SLC9A4: variants seen among roughly 807,000 people sequenced by gnomAD.
The protein encoded by SLC9A4 is solute carrier family 9 member A4.
Under a neutral mutation model 67.4 loss-of-function variants are expected in SLC9A4, and 63 were observed. That is an observed-to-expected ratio of 0.93 (90% CI 0.76 to 1.15). SLC9A4 has a LOEUF of 1.15. SLC9A4 is among the 50% of genes most tolerant of loss of function. The probability of loss-of-function intolerance (pLI) is 0.00; values close to 1 mark genes in which losing one functional copy is unlikely to be tolerated. For missense variants in SLC9A4, 1,089 were observed against 987.7 expected, an observed-to-expected ratio of 1.10 and a Z score of -1.38; for synonymous variants, 393 against 367.2, an observed-to-expected ratio of 1.07 and a Z score of -0.80.
At chr2:102,476,482 A>G (rs1684335043) in intron 1 of SLC9A4, among the ~76,000 whole-genome samples, 1 of 152,234 alleles carries the variant, frequency 6.6e-6, no homozygotes, top group South Asian at 2.1e-4. Context: ...TCTTCCTGCT[A>G]CAACTGTGTA....
Position 102,512,221 on chromosome 2 carries a change from G to T in SLC9A4, c.1507G>T (p.Ala503Ser), listed in dbSNP as rs1307724674. 3 of 1,614,042 alleles carry T rather than the reference G, an allele frequency of 1.9e-6. No individual in the cohort carries two copies. The South Asian group carries it at 3.3e-5, about 18-fold the overall frequency. The change falls in exon 7 of 12, where the codon GCT becomes TCT. Residue 503 changes from alanine (A) to serine (S), a missense_variant. Coordinates refer to ENST00000295269, the MANE Select transcript of SLC9A4 (RefSeq NM_001011552.4). Reference sequence around the variant, plus strand: ...TTGGCAGCTGATGGATCACTTAAAGGCTGGAATCGAAGATGTGTGTGGGCA... The same window carrying T: ...TTGGCAGCTGATGGATCACTTAAAGTCTGGAATCGAAGATGTGTGTGGGCA... Reference protein sequence around the residue: ...LHIRLMDHLKAGIEDVCGHWS... With the variant: ...LHIRLMDHLKSGIEDVCGHWS...
intron 2 of SLC9A4, among the ~76,000 whole-genome samples, chr2:102,481,766 AT>A (rs1684469092): frequency 6.6e-6 from 1 of 152,106 alleles, no homozygotes; most frequent in African/African-American, 2.4e-5. Flanking sequence ...AAACCTGCTA[AT>A]GACTCTTTTT....
At chr2:102,508,016 A>G in intron 4 of SLC9A4, 63 bp from the exon 5 acceptor site, 1 of 1,530,500 alleles carries the variant, frequency 6.5e-7, no homozygotes, top group Admixed American at 1.7e-5. Flanking sequence ...ACCTCAGTTC[A>G]CTAGCTCTGT....
chr2:102,486,308 CA>C (rs1369107854), intron 2 of SLC9A4, among the ~76,000 whole-genome samples: 1 of 152,102 alleles, frequency 6.6e-6, no homozygotes, highest in Admixed American at 6.5e-5. Flanking sequence ...GTAATGCATT[CA>C]AAATAGCACG....
Position 102,491,159 on chromosome 2 carries a change from A to G in SLC9A4, c.720+11857A>G, listed in dbSNP as rs111921691. The stretch of plus-strand genomic sequence containing the variant: ...TCAAAGAGACTAGAAGTGCAATCCT[A>G]CAAGATTCCTAGAAGGGAAAGAAAT... On this transcript the variant is annotated intron_variant, in intron 2 of 11. Transcript: ENST00000295269. Among the ~76,000 whole-genome samples the G allele has an allele frequency of 1.8e-4, 27 of 152,322 alleles. No homozygotes were observed. The Middle Eastern group carries it at 0.01, about 58-fold the overall frequency.
Position 102,478,956 on chromosome 2 carries a change from TG to T in SLC9A4, c.376del (p.Asp126ThrfsTer42). ...ACCGACCACAAATCGCCTCCGGTCA[TG>T]GACTCCAGCATCTACTTCCTGTATC... ...FGTDHKSPPVMDSSIYFLYLL... is the reference protein window; with the variant it reads ...FGTDHKSPPVXDSSIYFLYLL... On this transcript the variant is annotated frameshift_variant, in exon 2 of 12. Coordinates refer to ENST00000295269, the MANE Select transcript of SLC9A4 (RefSeq NM_001011552.4). LOFTEE classifies it high-confidence loss of function. The T allele has an allele frequency of 6.2e-7, 1 of 1,614,052 alleles. No homozygotes were observed. The highest frequency in any genetic ancestry group is 8.5e-7 in the Non-Finnish European group (1 of 1,179,982).
chr2:102,484,336 A>T (rs1295870884), intron 2 of SLC9A4, among the ~76,000 whole-genome samples: 2 of 152,076 alleles, frequency 1.3e-5, no homozygotes, highest in Non-Finnish European at 2.9e-5. Context: ...CATGCTACCG[A>T]TGAGGAGACT....
chr2:102,530,053 C>T (rs1024838094), intron 11 of SLC9A4, among the ~76,000 whole-genome samples: 4 of 152,114 alleles, frequency 2.6e-5, no homozygotes, highest in African/African-American at 9.7e-5. Flanking sequence ...GAACTGTACA[C>T]TTATTTATAG....
intron 2 of SLC9A4, among the ~76,000 whole-genome samples, chr2:102,483,275 A>G (rs1360984435): frequency 2.0e-5 from 3 of 152,178 alleles, no homozygotes; most frequent in African/African-American, 7.2e-5. Flanking sequence ...TGGGTCCCTA[A>G]GTGAAACCAG....
At position 102,528,665 on chromosome 2, in the gene SLC9A4, A is replaced by G. The variant is rs370807715; in HGVS notation, c.2038+2319A>G. 2.5e-3 allele frequency among the ~76,000 whole-genome samples: 384 copies of G among 152,368 alleles called. 7 individuals are homozygous for G. In the South Asian group the frequency reaches 0.03, roughly 12 times the overall value. On this transcript the variant is annotated intron_variant, in intron 11 of 11. Transcript: ENST00000295269. ...TTTGAACAAATCTTAAATAAGCATT[A>G]TAAACAAAATACAGCAAAACACTAA... is the stretch of plus-strand genomic sequence containing the variant.
chr2:102,525,864 G>A (rs1325043863), intron 10 of SLC9A4, among the ~76,000 whole-genome samples: 1 of 152,080 alleles, frequency 6.6e-6, no homozygotes, highest in East Asian at 1.9e-4. Context: ...CCACAGAACA[G>A]GTCTGTGTTC....
intron 1 of SLC9A4, among the ~76,000 whole-genome samples, chr2:102,478,361 G>A (rs1159041986): frequency 6.6e-6 from 1 of 152,226 alleles, no homozygotes; most frequent in East Asian, 1.9e-4. Flanking sequence ...TGACCAGATA[G>A]CAATGTCATT....
At chr2:102,526,942 A>G (rs1235735203) in intron 11 of SLC9A4, among the ~76,000 whole-genome samples, 2 of 152,208 alleles carry the variant, frequency 1.3e-5, no homozygotes, top group East Asian at 3.8e-4. Flanking sequence ...AATATATGTA[A>G]TATGCCGTGT....
intron 6 of SLC9A4, among the ~76,000 whole-genome samples, chr2:102,510,240 T>TACAGATACAGATACAGAC (rs1685135686): frequency 6.8e-6 from 1 of 146,420 alleles, no homozygotes; most frequent in African/African-American, 2.5e-5. Flanking sequence ...CGGATACAGA[T>TACAGATACAGATACAGAC]ACAGATACAG....
chr2:102,526,883 C>T (rs1674677628), intron 11 of SLC9A4, among the ~76,000 whole-genome samples: 1 of 152,132 alleles, frequency 6.6e-6, no homozygotes, highest in South Asian at 2.1e-4. Context: ...AAAGCAGTTA[C>T]TATTTTTATA....
chr2:102,531,422 G>C (rs534001113), intron 11 of SLC9A4, among the ~76,000 whole-genome samples: 7 of 152,106 alleles, frequency 4.6e-5, no homozygotes, highest in African/African-American at 1.7e-4. Flanking sequence ...ATCCAAGAGG[G>C]GACATTGCAT....
Position 102,479,277 on chromosome 2 carries a change from C to T in SLC9A4, c.695C>T (p.Ala232Val), listed in dbSNP as rs200342940. 1 of 1,612,002 alleles carries T rather than the reference C, an allele frequency of 6.2e-7. No individual in the cohort carries two copies. Among genetic ancestry groups the T allele is most frequent in the Admixed American group, 1.7e-5 (1 of 60,000 alleles). The change falls in exon 2 of 12, where the codon GCC becomes GTC. Residue 232 changes from alanine to valine, a missense_variant. Coordinates refer to ENST00000295269, the MANE Select transcript of SLC9A4 (RefSeq NM_001011552.4). The stretch of plus-strand genomic sequence containing the variant: ...CTCTACATGATGATCTTTGGGGAGG[C>T]CCTGCTCAATGATGGCATTACTGTG... ...EQLYMMIFGE[A>V]LLNDGITVVL...
intron 8 of SLC9A4, among the ~76,000 whole-genome samples, chr2:102,514,959 C>A (rs1028071747): frequency 2.6e-5 from 4 of 152,236 alleles, no homozygotes; most frequent in Admixed American, 2.6e-4. Flanking sequence ...CCTCTGGTAG[C>A]CACTTGTCCC....
At chr2:102,475,668 G>A (rs1161613934) in intron 1 of SLC9A4, among the ~76,000 whole-genome samples, 4 of 152,196 alleles carry the variant, frequency 2.6e-5, no homozygotes, top group Admixed American at 1.3e-4. Context: ...ATCAGAACAC[G>A]CTTATTCGAG....
Sources: allele counts gnomAD v4.1 joint callset (sites outside exome capture counted in the v4.1 genomes callset), GRCh38; gene constraint gnomAD v4.1.1; transcripts MANE v1.5; gene names NCBI Gene and HGNC (gene_info 2026-07-23, HGNC 2026-07-21).